The following RNF10 variants were observed in gnomAD, a reference collection of about 807,000 sequenced individuals.
The protein encoded by RNF10 is ring finger protein 10.
In RNF10, 38 loss-of-function variants were observed where a neutral mutation model predicts 91.4. The observed-to-expected ratio is 0.42, with a 90% CI of 0.32 to 0.54. The LOEUF is 0.54. Among genes scored for constraint, RNF10 ranks in the 20% least tolerant of loss-of-function variants. The pLI is 0.16. For missense variants in RNF10, 945 were observed against 1,012.0 expected (o/e 0.93, Z 0.90); for synonymous variants, 364 against 366.3 (o/e 0.99, Z 0.07).
chr12:120,537,721 A>G (rs546770679), intron 1 of RNF10, among the ~76,000 whole-genome samples: 35 of 152,054 alleles, frequency 2.3e-4, no homozygotes, highest in African/African-American at 7.7e-4. Context: ...AAGCTTGACC[A>G]TGTTTGCCAC....
intron 13 of RNF10, chr12:120,570,244 T>C (rs2137258346): frequency 7.1e-6 from 1 of 141,082 alleles, no homozygotes; most frequent in South Asian, 2.4e-4. Flanking sequence ...TGGAGCACAA[T>C]GGCACGATCT....
In RNF10 at chr12:120,541,133, A is replaced by G. The variant is rs77682502; in HGVS notation, c.158-5272A>G. 3.5e-3 allele frequency among the ~76,000 whole-genome samples: 534 copies of G among 152,304 alleles called. 6 individuals carry two copies. Among genetic ancestry groups the G allele is most frequent in the African/African-American group, 0.012 (517 of 41,562 alleles). On this transcript the variant is annotated intron_variant, in intron 1 of 16. Transcript: ENST00000325954. Reference sequence around the variant, plus strand: ...CGGCCTCCCAAAGCATTGGGATTATAGGCATGAGCCACCGTGTCTGGCCAT... The same window carrying G: ...CGGCCTCCCAAAGCATTGGGATTATGGGCATGAGCCACCGTGTCTGGCCAT...
In RNF10 at chr12:120,563,029, A is replaced by G. The variant is rs559619595; in HGVS notation, c.1213A>G (p.Met405Val). ...GGCTGCTCTGGAACAACTGGTGCTG[A>G]TGGCTCCCTTGGCGAAGGAGTCTGT... is the stretch of plus-strand genomic sequence containing the variant. Reference protein sequence around the residue: ...VVAALEQLVLMAPLAKESVFQ... With the variant: ...VVAALEQLVLVAPLAKESVFQ... The change falls in exon 8 of 17, where the codon ATG (methionine) becomes GTG (valine). Residue 405 changes from methionine (M) to valine (V), a missense_variant. Transcript: ENST00000325954. The G allele has an allele frequency of 1.2e-6, 2 of 1,614,106 alleles. No individual in the cohort carries two copies. Among genetic ancestry groups the G allele is most frequent in the South Asian group, 2.2e-5 (2 of 91,076 alleles).
In RNF10 at chr12:120,563,565, C is replaced by T; in HGVS notation, c.1473C>T (p.Pro491=). 1 of 1,613,654 alleles carries T rather than the reference C, an allele frequency of 6.2e-7. No homozygotes were observed. Among genetic ancestry groups the T allele is most frequent in the Middle Eastern group, 1.7e-4 (1 of 6,056 alleles). ...GCACTGAGTCCAGCCAGCAGGAACCCATCACCAAGTCAGGCTTCACACGCC... is the reference window on the plus strand; with the variant it reads ...GCACTGAGTCCAGCCAGCAGGAACCTATCACCAAGTCAGGCTTCACACGCC... The part of the protein sequence containing the change: ...TICTESSQQE[P]ITKSGFTRLS... The change falls in exon 9 of 17, where the codon CCC becomes CCT. Residue 491 remains proline, a synonymous_variant. Coordinates refer to ENST00000325954, the MANE Select transcript of RNF10 (RefSeq NM_014868.5).
chr12:120,541,514 T>G (rs1056800919), intron 1 of RNF10, among the ~76,000 whole-genome samples: 2 of 150,218 alleles, frequency 1.3e-5, no homozygotes, highest in African/African-American at 4.9e-5. Context: ...CGCTCACTGC[T>G]AGCCCCGCCT....
intron 13 of RNF10, among the ~76,000 whole-genome samples, chr12:120,568,099 G>T (rs1876050192): frequency 6.6e-6 from 1 of 152,110 alleles, no homozygotes; most frequent in South Asian, 2.1e-4. Context: ...ACGAAATTTA[G>T]CCAGGTGTGG....
chr12:120,571,373 A>T (rs929298736), intron 14 of RNF10, 82 bp downstream of exon 14: 2 of 998,888 alleles, frequency 2.0e-6, no homozygotes, highest in Non-Finnish European at 3.2e-6. Flanking sequence ...TCCTCCAGGG[A>T]TTGTTACCTC....
In RNF10 at chr12:120,557,305, A is replaced by G. The variant is rs1045449324; in HGVS notation, c.669A>G (p.Pro223=). The change falls in exon 5 of 17, where the codon CCA becomes CCG. Residue 223 remains proline, a synonymous_variant. Transcript: ENST00000325954. The part of the protein sequence containing the change: ...EQVRICSHEV[P]SCPICLYPPT... ...AGCGCATTTGTAGCCATGAAGTGCC[A>G]TCTTGCCCAATATGCCTCTATCCAC... The G allele has an allele frequency of 7.4e-6, 12 of 1,614,142 alleles. No individual in the cohort carries two copies. The highest frequency in any genetic ancestry group is 6.7e-5 in the Admixed American group (4 of 59,996).
intron 1 of RNF10, chr12:120,539,530 T>C (rs1467838188): frequency 1.3e-6 from 1 of 776,860 alleles, no homozygotes; most frequent in East Asian, 6.3e-5. Context: ...ACTGGTATTC[T>C]GACCTCTAGG....
At chr12:120,562,049 C>T (rs1382471158) in intron 7 of RNF10, among the ~76,000 whole-genome samples, 3 of 151,860 alleles carry the variant, frequency 2.0e-5, no homozygotes. Context: ...CAGGTTGTTA[C>T]ATGGTAAACC....
Position 120,575,835 on chromosome 12 carries a change from G to A in RNF10, c.2244G>A (p.Gly748=), listed in dbSNP as rs763923022. The change falls in exon 16 of 17, where the codon GGG becomes GGA. Residue 748 remains glycine, a synonymous_variant. Coordinates refer to ENST00000325954, the MANE Select transcript of RNF10 (RefSeq NM_014868.5). ...CTCCTGCCCCTGTGGACAGCGACGG[G>A]GAGAGTGATAATTCAGACCGTGTTC... ...LVPPAPVDSD[G]ESDNSDRVPV... is the part of the protein sequence containing the mutation. The A allele has an allele frequency of 8.7e-6, 14 of 1,614,060 alleles. No homozygotes were observed. The highest frequency in any genetic ancestry group is 1.0e-5 in the Non-Finnish European group (12 of 1,180,036).
chr12:120,548,647 A>ATT (rs772254824), intron 2 of RNF10, among the ~76,000 whole-genome samples: 1 of 141,372 alleles, frequency 7.1e-6, no homozygotes, highest in Non-Finnish European at 1.5e-5. Context: ...AGCTTGAGGG[A>ATT]TTTTTTTTCT....
chr12:120,557,393 C>A lies in RNF10; in HGVS notation c.757C>A (p.Leu253Ile). ...CTGCTGGGCATGCATCCTGCACTAT[C>A]TTTCACTGAGTGAGAAGACGTGGAG... Reference protein sequence around the residue: ...IFCWACILHYLSLSEKTWSKC... With the variant: ...IFCWACILHYISLSEKTWSKC... Residue 253 changes from leucine to isoleucine, a missense_variant, in exon 5 of 17, where the codon CTT (leucine) becomes ATT (isoleucine). By Grantham distance (5) the Leu-to-Ile change is conservative (BLOSUM62 2). Transcript: ENST00000325954. 6.2e-7 allele frequency: 1 copy of A among 1,614,214 alleles called. No individual in the cohort carries two copies. The highest frequency in any genetic ancestry group is 8.5e-7 in the Non-Finnish European group (1 of 1,180,056).
intron 14 of RNF10, among the ~76,000 whole-genome samples, chr12:120,572,318 A>C (rs185709486): frequency 1.3e-3 from 193 of 152,274 alleles, no homozygotes; most frequent in Non-Finnish European, 2.3e-3. Context: ...CGCCTGCCTC[A>C]GCCTCCCAAA....
At chr12:120,546,270 C>T (rs941385667) in intron 1 of RNF10, 135 bp from the exon 2 acceptor site, 15 of 708,840 alleles carry the variant, frequency 2.1e-5, no homozygotes, top group Middle Eastern at 2.7e-4. Flanking sequence ...AGCACTCATG[C>T]TCTGGCCCAA....
At chr12:120,538,773 G>A (rs912573041) in intron 1 of RNF10, among the ~76,000 whole-genome samples, 2 of 152,154 alleles carry the variant, frequency 1.3e-5, no homozygotes, top group Admixed American at 6.6e-5. Flanking sequence ...GGGAAGGTCA[G>A]GTATTATGAG....
chr12:120,567,863 GTGTGT>G (rs1593109673), intron 13 of RNF10, among the ~76,000 whole-genome samples: 1 of 150,928 alleles, frequency 6.6e-6, no homozygotes, highest in Admixed American at 6.6e-5. Flanking sequence ...CATTATGGGT[GTGTGT>G]GTGTGTGTGT....
chr12:120,543,565 G>A (rs1479714914), intron 1 of RNF10, among the ~76,000 whole-genome samples: 2 of 152,190 alleles, frequency 1.3e-5, no homozygotes, highest in African/African-American at 4.8e-5. Flanking sequence ...ACTTTGGGAG[G>A]CTGAGGCTGG....
chr12:120,545,601 G>A (rs1035495487), intron 1 of RNF10, among the ~76,000 whole-genome samples: 2 of 151,258 alleles, frequency 1.3e-5, no homozygotes. Context: ...GCTGTGGCAC[G>A]ATCTCGGCTC....
Sources: gnomAD v4.1 joint callset for allele counts (sites outside exome capture counted in the v4.1 genomes callset) on GRCh38, gnomAD v4.1.1 for gene constraint, MANE v1.5 for transcripts, NCBI Gene and HGNC (gene_info 2026-07-23, HGNC 2026-07-21) for gene names.